The following BLK variants were observed in gnomAD, a reference collection of about 807,000 sequenced individuals.
The protein encoded by BLK is BLK proto-oncogene, Src family tyrosine kinase, also known as tyrosine-protein kinase Blk.
Under a neutral mutation model 61.8 loss-of-function variants are expected in BLK, and 64 were observed. That is an observed-to-expected ratio of 1.03 (90% CI 0.85 to 1.27). The LOEUF (loss-of-function observed/expected upper bound fraction) is 1.27, where lower values mean the gene tolerates loss of function less well. BLK is among the 50% of genes most tolerant of loss of function. The pLI is 0.00. For missense variants in BLK, 853 were observed against 660.5 expected, an observed-to-expected ratio of 1.29 and a Z score of -3.19; for synonymous variants, 351 against 272.0, an observed-to-expected ratio of 1.29 and a Z score of -2.86.
intron 1 of BLK, among the ~76,000 whole-genome samples, chr8:11,527,771 G>T (rs1219281986): frequency 6.7e-6 from 1 of 149,170 alleles, no homozygotes; most frequent in Non-Finnish European, 1.5e-5. Flanking sequence ...CACAAGTCTG[G>T]GTGTAAAAAA....
At chr8:11,556,010 T>C in intron 8 of BLK, 2 of 281,002 alleles carry the variant, frequency 7.1e-6, no homozygotes, top group Admixed American at 4.7e-5. Context: ...GTTTTATCCC[T>C]GGATTGGTCC....
At chr8:11,558,906 C>G (rs1007790502) in intron 10 of BLK, 1 of 455,950 alleles carries the variant, frequency 2.2e-6, no homozygotes, top group African/African-American at 2.0e-5. Context: ...CCTCGCCCAG[C>G]CTTACCCAGT....
intron 1 of BLK, among the ~76,000 whole-genome samples, chr8:11,495,954 A>G (rs898146242): frequency 2.6e-5 from 4 of 152,234 alleles, no homozygotes; most frequent in African/African-American, 9.6e-5. Context: ...ACTGCAAAAT[A>G]AAGAGTTAAA....
At chr8:11,504,047 G>C (rs1342195627) in intron 1 of BLK, among the ~76,000 whole-genome samples, 2 of 152,182 alleles carry the variant, frequency 1.3e-5, no homozygotes, top group African/African-American at 2.4e-5. Context: ...TTCACATCCA[G>C]GCACAGTGGC....
At chr8:11,559,512 CACACACAA>C in intron 10 of BLK, among the ~76,000 whole-genome samples, 2 of 146,876 alleles carry the variant, frequency 1.4e-5, no homozygotes, top group African/African-American at 5.4e-5. Context: ...CACAAACTCA[CACACACAA>C]ACACACACAC....
intron 1 of BLK, among the ~76,000 whole-genome samples, chr8:11,534,553 T>G (rs1003043778): frequency 3.3e-5 from 5 of 152,236 alleles, no homozygotes; most frequent in African/African-American, 1.2e-4. Flanking sequence ...TAAAAATGCC[T>G]TCTTCCTTCC....
At chr8:11,539,644 C>A (rs947276228) in intron 1 of BLK, among the ~76,000 whole-genome samples, 3 of 152,084 alleles carry the variant, frequency 2.0e-5, no homozygotes, top group Non-Finnish European at 2.9e-5. Flanking sequence ...TTGCTTCTTC[C>A]AATAATATTT....
At chr8:11,561,938 C>T (rs751957783) in intron 11 of BLK, among the ~76,000 whole-genome samples, 4 of 152,042 alleles carry the variant, frequency 2.6e-5, no homozygotes, top group African/African-American at 4.8e-5. Context: ...TCTGCCTCAG[C>T]CTCCCAAGTA....
intron 1 of BLK, among the ~76,000 whole-genome samples, chr8:11,542,560 T>A (rs543356018): frequency 1.3e-5 from 2 of 152,306 alleles, no homozygotes; most frequent in East Asian, 3.9e-4. Flanking sequence ...CATGGTGGTG[T>A]TGATGGTGTC....
chr8:11,553,464 A>T (rs1204176478), intron 6 of BLK: 1 of 406,994 alleles, frequency 2.5e-6, no homozygotes, highest in African/African-American at 2.1e-5. Context: ...GCCATCAGGG[A>T]CGGGGCCTCA....
chr8:11,558,074 T>G (rs748734570), intron 10 of BLK, 36 bp downstream of exon 10: 34 of 1,602,506 alleles, frequency 2.1e-5, no homozygotes, highest in Non-Finnish European at 2.2e-5. Flanking sequence ...AAGGGCGGCA[T>G]GTGCCACCTG....
intron 1 of BLK, among the ~76,000 whole-genome samples, chr8:11,517,041 G>A (rs908530244): frequency 6.6e-6 from 1 of 152,194 alleles, no homozygotes. Context: ...GGTGACACTG[G>A]GGAGTTCTGA....
chr8:11,550,342 G>A (rs1800845885), intron 6 of BLK, 80 bp downstream of exon 6: 1 of 1,348,438 alleles, frequency 7.4e-7, no homozygotes, highest in African/African-American at 1.4e-5. Context: ...CCTGGAGTGA[G>A]AGGGGAAGGG....
rs553850848 is a variant in BLK at position 11,537,646 on chromosome 8, G to C, written c.-1-5578G>C. ...CCAGCTGCCAGCTCTGCCACCTTCA[G>C]CATGACCTTACCAAGCCACCTCGCC... On this transcript the variant is annotated intron_variant, in intron 1 of 12. Transcript: ENST00000259089. 1.3e-4 allele frequency among the ~76,000 whole-genome samples: 20 copies of C among 152,266 alleles called. No individual in the cohort carries two copies. The South Asian group carries it at 4.1e-3, about 32-fold the overall frequency.
chr8:11,496,953 T>C (rs57686925), intron 1 of BLK, among the ~76,000 whole-genome samples: 6,810 of 152,142 alleles, frequency 0.045, 340 homozygotes, highest in African/African-American at 0.13. Context: ...GTCTGCAGCC[T>C]TGGGGACTGG....
At chr8:11,524,335 T>C (rs1799566002) in intron 1 of BLK, among the ~76,000 whole-genome samples, 1 of 152,194 alleles carries the variant, frequency 6.6e-6, no homozygotes, top group South Asian at 2.1e-4. Flanking sequence ...TTTCCATTGG[T>C]GGTAGGGTTG....
chr8:11,524,876 C>G (rs1195484908), intron 1 of BLK, among the ~76,000 whole-genome samples: 1 of 146,360 alleles, frequency 6.8e-6, no homozygotes. Context: ...AAAAGCAGGT[C>G]GCAAAACAGG....
At chr8:11,549,537 T>C (rs569492958) in intron 5 of BLK, among the ~76,000 whole-genome samples, 48 of 152,272 alleles carry the variant, frequency 3.2e-4, no homozygotes, top group Admixed American at 2.7e-3. Context: ...CCCAATCTTC[T>C]AATCCCCCAG....
At chr8:11,540,849 A>G (rs1274020570) in intron 1 of BLK, among the ~76,000 whole-genome samples, 1 of 58,588 alleles carries the variant, frequency 1.7e-5, no homozygotes, top group Non-Finnish European at 3.4e-5. Context: ...AAACCACTCA[A>G]GAAGATAGAA....
Sources: gnomAD v4.1 joint callset for allele counts (sites outside exome capture counted in the v4.1 genomes callset) on GRCh38, gnomAD v4.1.1 for gene constraint, MANE v1.5 for transcripts, NCBI Gene and HGNC (gene_info 2026-07-23, HGNC 2026-07-21) for gene names.